Variants in ZNF860 observed in about 807,000 individuals in gnomAD.
The protein encoded by ZNF860 is zinc finger protein 860.
For missense variants in ZNF860, 641 were observed against 759.2 expected, an observed-to-expected ratio of 0.84 and a Z score of 1.83; for synonymous variants, 206 against 248.9, an observed-to-expected ratio of 0.83 and a Z score of 1.62.
chr3:31,988,698 T>G lies in ZNF860; in HGVS notation c.-382T>G, dbSNP rs556592965. The G allele has an allele frequency of 9.4e-4, 219 of 232,238 alleles. No individual in the cohort carries two copies. The highest frequency in any genetic ancestry group is 5.7e-4 in the Non-Finnish European group (68 of 118,322). 14.4% of individuals were successfully genotyped at this position (232,238 alleles called of 1,614,324 possible). A position where few individuals can be genotyped will look rare whatever the true frequency, so the allele number is the denominator to read the frequency against. ...GCCAGCTGCCATGACATAAGGATAC[T>G]CAGGCCACCAATGGATAGCCCAGGC... is the stretch of plus-strand genomic sequence containing the variant. On this transcript the variant is annotated 5_prime_UTR_variant, in exon 2 of 2. Transcript: ENST00000360311.
Position 31,990,076 on chromosome 3 carries a change from A to T in ZNF860, c.997A>T (p.Arg333Trp). The change falls in exon 2 of 2, where the codon AGG (arginine) becomes TGG (tryptophan). Residue 333 changes from arginine (R) to tryptophan (W), a missense_variant. Transcript: ENST00000360311. ...TCGCAAATCAAATCTTGAAAGACAT[A>T]GGAGAATTCATACTGGAGAGAAACC... ...FSRKSNLERH[R>W]RIHTGEKPYK... is the part of the protein sequence containing the mutation. The T allele has an allele frequency of 6.2e-7, 1 of 1,614,016 alleles. No individual in the cohort carries two copies. The highest frequency in any genetic ancestry group is 8.5e-7 in the Non-Finnish European group (1 of 1,179,924).
Position 31,990,042 on chromosome 3 carries a change from A to G in ZNF860, c.963A>G (p.Lys321=). The G allele has an allele frequency of 2.5e-6, 4 of 1,614,010 alleles. No homozygotes were observed. Among genetic ancestry groups the G allele is most frequent in the Non-Finnish European group, 3.4e-6 (4 of 1,179,952 alleles). ...CTTACAAATGTGAAGAATGTGACAAAGTTTTTAGTCGCAAATCAAATCTTG... is the reference window on the plus strand; with the variant it reads ...CTTACAAATGTGAAGAATGTGACAAGGTTTTTAGTCGCAAATCAAATCTTG... ...EKPYKCEECD[K]VFSRKSNLER... Residue 321 remains lysine, a synonymous_variant, in exon 2 of 2, where the codon AAA becomes AAG. Transcript: ENST00000360311.
Position 31,990,024 on chromosome 3 carries a change from A to G in ZNF860, c.945A>G (p.Lys315=). ...TTCATACTGGAGAGAAACCTTACAA[A>G]TGTGAAGAATGTGACAAAGTTTTTA... is the stretch of plus-strand genomic sequence containing the variant. ...HRLHTGEKPY[K]CEECDKVFSR... Residue 315 remains lysine (K), a synonymous_variant, in exon 2 of 2, where the codon AAA becomes AAG. Transcript: ENST00000360311. 1 of 1,614,000 alleles carries G rather than the reference A, an allele frequency of 6.2e-7. No individual in the cohort carries two copies. Among genetic ancestry groups the G allele is most frequent in the Non-Finnish European group, 8.5e-7 (1 of 1,179,960 alleles).
intron 1 of ZNF860, among the ~76,000 whole-genome samples, chr3:31,983,951 G>A (rs1474360993): frequency 6.6e-6 from 1 of 152,130 alleles, no homozygotes; most frequent in Non-Finnish European, 1.5e-5. Context: ...ACAATTGTAG[G>A]GCCAGCCAAG....
downstream of ZNF860, among the ~76,000 whole-genome samples, chr3:31,993,673 CACACACAT>C (rs1191415930): frequency 3.6e-4 from 47 of 130,766 alleles, no homozygotes; most frequent in African/African-American, 1.8e-3. Flanking sequence ...AACATGACTA[CACACACAT>C]ACACACACAC....
chr3:32,005,581 G>GT, the ZNF860 span, among the ~76,000 whole-genome samples: 8 of 151,874 alleles, frequency 5.3e-5, no homozygotes, highest in South Asian at 4.2e-4. Context: ...AATGTTTTGG[G>GT]TTTTTTTTGT....
Position 31,981,875 on chromosome 3 carries a change from G to A in ZNF860, c.-448G>A, listed in dbSNP as rs1377447198. 3 of 152,320 alleles carry A rather than the reference G, an allele frequency of 2.0e-5. No individual in the cohort carries two copies. Among genetic ancestry groups the A allele is most frequent in the African/African-American group, 7.2e-5 (3 of 41,470 alleles). 9.4% of individuals were successfully genotyped at this position (152,320 alleles called of 1,614,324 possible). On this transcript the variant is annotated 5_prime_UTR_variant, in exon 1 of 2. Transcript: ENST00000360311. This position sits in a 1 kb window ranked among gnomAD's most constrained non-coding sequence, Gnocchi z 4.5. The stretch of plus-strand genomic sequence containing the variant: ...GAGGCCCTCCGCGTTGTCTGGCGGA[G>A]GAGGGGAGTGGCAGGTGATCCTCAC...
chr3:31,998,973 T>C, the ZNF860 span, among the ~76,000 whole-genome samples: 3 of 152,202 alleles, frequency 2.0e-5, no homozygotes, highest in Non-Finnish European at 2.9e-5. Flanking sequence ...TTTGCATTCA[T>C]AAGAAAACAC....
chr3:32,000,897 G>A, the ZNF860 span, among the ~76,000 whole-genome samples: 2 of 152,144 alleles, frequency 1.3e-5, no homozygotes. Context: ...AAACCAGAAA[G>A]CTTAGAGACA....
the ZNF860 span, among the ~76,000 whole-genome samples, chr3:31,999,122 G>A: frequency 2.1e-3 from 317 of 152,250 alleles, no homozygotes; most frequent in African/African-American, 7.1e-3. Context: ...AGCTTGATCA[G>A]CTGTCTCCCC....
intron 1 of ZNF860, among the ~76,000 whole-genome samples, chr3:31,983,016 C>T (rs563782084): frequency 6.0e-4 from 92 of 152,264 alleles, no homozygotes; most frequent in Non-Finnish European, 1.1e-3. Flanking sequence ...CAGCATGTCC[C>T]GGATAAGGAC....
Position 31,990,309 on chromosome 3 carries a change from T to C in ZNF860, c.1230T>C (p.Ala410=), listed in dbSNP as rs750936207. The C allele has an allele frequency of 4.3e-6, 7 of 1,613,962 alleles. No homozygotes were observed. The East Asian group carries it at 1.6e-4, about 36-fold the overall frequency. ...ATTGTCACAAAGTCTTCAGTAATGC[T>C]ACAACCATTGCAAATCATTGGAGAA... ...CNDCHKVFSN[A]TTIANHWRIH... Residue 410 remains alanine, a synonymous_variant, in exon 2 of 2, where the codon GCT becomes GCC. Coordinates refer to ENST00000360311, the MANE Select transcript of ZNF860 (RefSeq NM_001137674.3).
intron 1 of ZNF860, among the ~76,000 whole-genome samples, chr3:31,983,724 A>G (rs1698895057): frequency 6.6e-6 from 1 of 152,244 alleles, no homozygotes; most frequent in Admixed American, 6.5e-5. Context: ...TCTTCCAGAA[A>G]GCTTTCCTTG....
At chr3:32,005,429 C>T in the ZNF860 span, among the ~76,000 whole-genome samples, 2 of 134,786 alleles carry the variant, frequency 1.5e-5, no homozygotes, top group South Asian at 2.3e-4. Flanking sequence ...ATCTGTAGAC[C>T]TGTCCCTTTA....
the ZNF860 span, among the ~76,000 whole-genome samples, chr3:32,005,153 G>T: frequency 6.6e-6 from 1 of 152,022 alleles, no homozygotes; most frequent in South Asian, 2.1e-4. Flanking sequence ...GTGGTTTGTT[G>T]CACCCATCAA....
At position 31,990,015 on chromosome 3, in the gene ZNF860, A is replaced by G; in HGVS notation, c.936A>G (p.Lys312=). ...ASHHRLHTGE[K]PYKCEECDKV... ...ATCATAGACTTCATACTGGAGAGAA[A>G]CCTTACAAATGTGAAGAATGTGACA... The change falls in exon 2 of 2, where the codon AAA becomes AAG. Residue 312 remains lysine (K), a synonymous_variant. Transcript: ENST00000360311. The G allele has an allele frequency of 3.1e-6, 5 of 1,614,184 alleles. No individual in the cohort carries two copies. Among genetic ancestry groups the G allele is most frequent in the Non-Finnish European group, 3.4e-6 (4 of 1,180,022 alleles).
At chr3:31,982,370 CAGACA>C (rs889520666) in intron 1 of ZNF860, among the ~76,000 whole-genome samples, 6 of 152,108 alleles carry the variant, frequency 3.9e-5, no homozygotes, top group African/African-American at 1.4e-4. Flanking sequence ...CACACACACA[CAGACA>C]AAACAAAAGG....
chr3:31,987,133 C>CAT (rs1214239791), intron 1 of ZNF860, among the ~76,000 whole-genome samples: 1 of 144,928 alleles, frequency 6.9e-6, no homozygotes, highest in Non-Finnish European at 1.5e-5. Flanking sequence ...CACACACACA[C>CAT]ATATATATAC....
At position 31,989,021 on chromosome 3, in the gene ZNF860, C is replaced by T; in HGVS notation, c.-59C>T. On this transcript the variant is annotated 5_prime_UTR_variant, in exon 2 of 2. Transcript: ENST00000360311. Reference sequence around the variant, plus strand: ...TCGGAAACAGATAACTAATACAGAGCAGGAAGCAGATCGCCTCAGTGAAGG... The same window carrying T: ...TCGGAAACAGATAACTAATACAGAGTAGGAAGCAGATCGCCTCAGTGAAGG... 6.3e-7 allele frequency: 1 copy of T among 1,596,474 alleles called. No homozygotes were observed. Among genetic ancestry groups the T allele is most frequent in the Non-Finnish European group, 8.6e-7 (1 of 1,168,948 alleles).
Sources: gnomAD v4.1 joint callset for allele counts (sites outside exome capture counted in the v4.1 genomes callset) on GRCh38, gnomAD v4.1.1 for gene constraint, Gnocchi (gnomAD v3.1) non-coding constraint, MANE v1.5 for transcripts, NCBI Gene and HGNC (gene_info 2026-07-23, HGNC 2026-07-21) for gene names.